Variants in MAP2K5 observed in about 807,000 individuals in gnomAD.
MAP2K5 encodes mitogen-activated protein kinase kinase 5.
Under a neutral mutation model 83.1 loss-of-function variants are expected in MAP2K5, and 49 were observed. That is an observed-to-expected ratio of 0.59 (90% confidence interval 0.47 to 0.75). The LOEUF is 0.75. Among genes scored for constraint, MAP2K5 ranks in the 30% least tolerant of loss-of-function variants. The pLI, the probability that MAP2K5 is intolerant of heterozygous loss-of-function variation, is 0.00. For synonymous variants in MAP2K5, 202 were observed against 191.8 expected (o/e 1.05, Z -0.44); for missense variants, 457 against 557.5 (o/e 0.82, Z 1.82).
At chr15:67,567,271 G>C (rs1328425887) in intron 3 of MAP2K5, among the ~76,000 whole-genome samples, 1 of 151,086 alleles carries the variant, frequency 6.6e-6, no homozygotes, top group Non-Finnish European at 1.5e-5. Context: ...ATAGTTTCTT[G>C]TAAGTTATGT....
chr15:67,766,193 C>G, intron 19 of MAP2K5, among the ~76,000 whole-genome samples: 1 of 152,218 alleles, frequency 6.6e-6, no homozygotes, highest in East Asian at 1.9e-4. Flanking sequence ...CAAGACCCAG[C>G]TTGTGTCCCT....
chr15:67,710,090 G>A lies in MAP2K5; in HGVS notation c.1044+6682G>A, dbSNP rs541481164. On this transcript the variant is annotated intron_variant, in intron 16 of 21. Coordinates refer to ENST00000178640, the MANE Select transcript of MAP2K5 (RefSeq NM_145160.3). ...TTGCCCAGGCTTGCCTTGAATTCCT[G>A]GGTTCAAGCGATCCTCCCTCCTCAG... 3.9e-5 allele frequency among the ~76,000 whole-genome samples: 6 copies of A among 152,212 alleles called. No individual in the cohort carries two copies. In the East Asian group the frequency reaches 7.7e-4, roughly 20 times the overall value.
chr15:67,655,172 G>T (rs1359424723), intron 11 of MAP2K5, among the ~76,000 whole-genome samples: 1 of 151,780 alleles, frequency 6.6e-6, no homozygotes, highest in Non-Finnish European at 1.5e-5. Flanking sequence ...TATACATTGT[G>T]TGTCCAACAC....
intron 13 of MAP2K5, among the ~76,000 whole-genome samples, chr15:67,686,581 C>A (rs1360514182): frequency 1.3e-5 from 2 of 151,044 alleles, no homozygotes; most frequent in African/African-American, 2.4e-5. Context: ...CCAGCCTGGG[C>A]AACAGAGTGA....
At chr15:67,689,350 A>G (rs1339651402) in intron 13 of MAP2K5, among the ~76,000 whole-genome samples, 1 of 152,230 alleles carries the variant, frequency 6.6e-6, no homozygotes, top group African/African-American at 2.4e-5. Flanking sequence ...AAATTCAAAG[A>G]AGATAGTGAC....
At position 67,748,736 on chromosome 15, in the gene MAP2K5, T is replaced by C. The variant is rs2089658733; in HGVS notation, c.1134+135T>C. The C allele has an allele frequency of 1.4e-6, 1 of 718,380 alleles. No individual in the cohort carries two copies. Among genetic ancestry groups the C allele is most frequent in the African/African-American group, 1.8e-5 (1 of 55,892 alleles). The allele number at this position is 718,380 out of a possible 1,614,324, so 44.5% of individuals were successfully genotyped here. On this transcript the variant is annotated intron_variant, in intron 19 of 21. Coordinates refer to ENST00000178640, the MANE Select transcript of MAP2K5 (RefSeq NM_145160.3). This position sits in a 1 kb window ranked among gnomAD's most constrained non-coding sequence, Gnocchi z 4.0. Reference sequence around the variant, plus strand: ...TGTGTTGTATGGCTCTGAGCTATGTTACGTGAACTGGCCTTGTCCTGAATC... The same window carrying C: ...TGTGTTGTATGGCTCTGAGCTATGTCACGTGAACTGGCCTTGTCCTGAATC...
chr15:67,679,676 T>C (rs1047235161), intron 13 of MAP2K5: 3 of 152,184 alleles, frequency 2.0e-5, no homozygotes, highest in African/African-American at 7.2e-5. Context: ...AATTAACTGA[T>C]CTTTCATACT....
Position 67,561,091 on chromosome 15 carries a change from T to A in MAP2K5, c.185-2192T>A, listed in dbSNP as rs1449172764. ...TTAGTTGCAGAAATGAGATTTATTTTAAAAAAACTACTTTATTCAGGCTGG... is the reference window on the plus strand; with the variant it reads ...TTAGTTGCAGAAATGAGATTTATTTAAAAAAAACTACTTTATTCAGGCTGG... On this transcript the variant is annotated intron_variant, in intron 2 of 21. Coordinates refer to ENST00000178640, the MANE Select transcript of MAP2K5 (RefSeq NM_145160.3). This position sits in a 1 kb window ranked among gnomAD's most constrained non-coding sequence, Gnocchi z 4.2. Among the ~76,000 whole-genome samples, 1 of 152,300 alleles carries A rather than the reference T, an allele frequency of 6.6e-6. No individual in the cohort carries two copies. The highest frequency in any genetic ancestry group is 2.4e-5 in the African/African-American group (1 of 41,568).
intron 13 of MAP2K5, among the ~76,000 whole-genome samples, chr15:67,688,273 C>G (rs1046678624): frequency 1.3e-5 from 2 of 152,094 alleles, no homozygotes; most frequent in Non-Finnish European, 2.9e-5. Context: ...GGAGGACTTT[C>G]CATTTTTGCA....
intron 4 of MAP2K5, among the ~76,000 whole-genome samples, chr15:67,585,239 T>A (rs1008085910): frequency 1.3e-5 from 2 of 152,122 alleles, no homozygotes; most frequent in African/African-American, 4.8e-5. Flanking sequence ...GAAGAAGCAT[T>A]TGCTGAATTG....
chr15:67,665,630 ATCC>A lies in MAP2K5; in HGVS notation c.847+990_847+992del, dbSNP rs1468434445. Among the ~76,000 whole-genome samples the A allele has an allele frequency of 1.4e-4, 22 of 152,254 alleles. No homozygotes were observed. In the East Asian group the frequency reaches 4.3e-3, roughly 29 times the overall value. On this transcript the variant is annotated intron_variant, in intron 13 of 21. Transcript: ENST00000178640. The surrounding 1 kb of genome is among the most constrained non-coding windows in gnomAD (Gnocchi z 4.2). The stretch of plus-strand genomic sequence containing the variant: ...CTAGTGATTCCACATTTCTTCTGAA[ATCC>A]TCCTTTTTAATGAGGGTATCTAGAT...
At chr15:67,756,397 G>A (rs948727315) in intron 19 of MAP2K5, among the ~76,000 whole-genome samples, 4 of 152,022 alleles carry the variant, frequency 2.6e-5, no homozygotes, top group Non-Finnish European at 5.9e-5. Context: ...GCTTTACTGA[G>A]GTACAATTAA....
At position 67,757,255 on chromosome 15, in the gene MAP2K5, TGAC is replaced by T. The variant is rs1285994146; in HGVS notation, c.1134+8655_1134+8657del. 6.6e-6 allele frequency among the ~76,000 whole-genome samples: 1 copy of T among 152,166 alleles called. No individual in the cohort carries two copies. Among genetic ancestry groups the T allele is most frequent in the Non-Finnish European group, 1.5e-5 (1 of 68,020 alleles). On this transcript the variant is annotated intron_variant, in intron 19 of 21. Transcript: ENST00000178640. The surrounding 1 kb of genome is among the most constrained non-coding windows in gnomAD (Gnocchi z 4.9). ...ATAGCCATCCTAACAAAATGTGAGG[TGAC>T]ATTTCATTGTGGTTTTTATTTGCAT...
At position 67,563,558 on chromosome 15, in the gene MAP2K5, A is replaced by G. The variant is rs548696738; in HGVS notation, c.252+208A>G. Reference sequence around the variant, plus strand: ...ACTGATCATATCATAAACATTAAGAATAATGCATCTTAATGACTTTTGCAT... The same window carrying G: ...ACTGATCATATCATAAACATTAAGAGTAATGCATCTTAATGACTTTTGCAT... On this transcript the variant is annotated intron_variant, in intron 3 of 21. Coordinates refer to ENST00000178640, the MANE Select transcript of MAP2K5 (RefSeq NM_145160.3). This position sits in a 1 kb window ranked among gnomAD's most constrained non-coding sequence, Gnocchi z 4.5. Among the ~76,000 whole-genome samples the G allele has an allele frequency of 6.6e-5, 10 of 152,344 alleles. No individual in the cohort carries two copies. The highest frequency in any genetic ancestry group is 4.1e-4 in the South Asian group (2 of 4,832).
At chr15:67,544,509 G>A (rs1420134315) in intron 1 of MAP2K5, among the ~76,000 whole-genome samples, 2 of 152,132 alleles carry the variant, frequency 1.3e-5, no homozygotes, top group Non-Finnish European at 2.9e-5. Flanking sequence ...CTCCTGAGTG[G>A]GAGAGTCAGT....
rs1235396539 is a variant in MAP2K5 at position 67,690,115 on chromosome 15, A to G, written c.848-2364A>G. Among the ~76,000 whole-genome samples, 1 of 152,208 alleles carries G rather than the reference A, an allele frequency of 6.6e-6. No individual in the cohort carries two copies. Among genetic ancestry groups the G allele is most frequent in the Non-Finnish European group, 1.5e-5 (1 of 68,042 alleles). On this transcript the variant is annotated intron_variant, in intron 13 of 21. Coordinates refer to ENST00000178640, the MANE Select transcript of MAP2K5 (RefSeq NM_145160.3). The surrounding 1 kb of genome is among the most constrained non-coding windows in gnomAD (Gnocchi z 4.3). The stretch of plus-strand genomic sequence containing the variant: ...TCCAATGTGGCCCAGGGAAGCCAAA[A>G]GATTGTACACCCCTAGTTTAGGACA...
At position 67,783,115 on chromosome 15, in the gene MAP2K5, TCA is replaced by T. The variant is rs2090357064; in HGVS notation, c.1242+10364_1242+10365del. On this transcript the variant is annotated intron_variant, in intron 21 of 21. Coordinates refer to ENST00000178640, the MANE Select transcript of MAP2K5 (RefSeq NM_145160.3). The surrounding 1 kb of genome is among the most constrained non-coding windows in gnomAD (Gnocchi z 5.1). Reference sequence around the variant, plus strand: ...GATGTGGGAATCACAGATGTGCATTTCAGTCTGCACTCGCCATTTTTATGTCT... The same window carrying T: ...GATGTGGGAATCACAGATGTGCATTTGTCTGCACTCGCCATTTTTATGTCT... Among the ~76,000 whole-genome samples the T allele has an allele frequency of 6.6e-6, 1 of 152,236 alleles. No homozygotes were observed. The highest frequency in any genetic ancestry group is 2.4e-5 in the African/African-American group (1 of 41,468).
intron 17 of MAP2K5, among the ~76,000 whole-genome samples, chr15:67,728,759 A>G (rs190325465): frequency 1.1e-4 from 16 of 152,346 alleles, no homozygotes; most frequent in African/African-American, 3.8e-4. Flanking sequence ...ACTTGCTATT[A>G]TTATGCAAAT....
chr15:67,668,608 A>G lies in MAP2K5; in HGVS notation c.847+3963A>G, dbSNP rs1445746925. The stretch of plus-strand genomic sequence containing the variant: ...TATTAATAAACCTACAGCTCCAGTC[A>G]TAGCCATCATTACCCACATCAAACA... On this transcript the variant is annotated intron_variant, in intron 13 of 21. Coordinates refer to ENST00000178640, the MANE Select transcript of MAP2K5 (RefSeq NM_145160.3). The surrounding 1 kb of genome is among the most constrained non-coding windows in gnomAD (Gnocchi z 4.0). Among the ~76,000 whole-genome samples the G allele has an allele frequency of 1.3e-5, 2 of 152,158 alleles. No homozygotes were observed. The highest frequency in any genetic ancestry group is 3.9e-4 in the East Asian group (2 of 5,194).
Sources: allele counts gnomAD v4.1 joint callset (sites outside exome capture counted in the v4.1 genomes callset), GRCh38; gene constraint gnomAD v4.1.1; non-coding constraint Gnocchi (gnomAD v3.1); transcripts MANE v1.5; gene names NCBI Gene and HGNC (gene_info 2026-07-23, HGNC 2026-07-21).